The following CPQ variants were observed in gnomAD, a reference collection of about 807,000 sequenced individuals.
CPQ encodes the protein carboxypeptidase Q.
A neutral mutation model predicts 45.7 loss-of-function variants in CPQ; 37 were observed. The ratio of observed to expected loss-of-function variants is 0.81; its 90% CI spans 0.62 to 1.07. The LOEUF (loss-of-function observed/expected upper bound fraction) is 1.07, where lower values mean the gene tolerates loss of function less well. CPQ is among the 50% of genes least tolerant of loss of function. The pLI, the probability that CPQ is intolerant of heterozygous loss-of-function variation, is 0.00. For synonymous variants in CPQ, 186 were observed against 205.8 expected, an observed-to-expected ratio of 0.90 and a Z score of 0.82; for missense variants, 537 against 572.9, an observed-to-expected ratio of 0.94 and a Z score of 0.64.
At chr8:96,653,685 T>C (rs1446229584) in intron 1 of CPQ, among the ~76,000 whole-genome samples, 1 of 151,966 alleles carries the variant, frequency 6.6e-6, no homozygotes, top group African/African-American at 2.4e-5. Flanking sequence ...ATTGAGAAAA[T>C]CCTAAGGGAG....
At chr8:96,749,539 C>A (rs895964964) in intron 1 of CPQ, among the ~76,000 whole-genome samples, 2 of 152,222 alleles carry the variant, frequency 1.3e-5, no homozygotes, top group South Asian at 2.1e-4. Context: ...ACAACAAAGA[C>A]CTTCTAGGGC....
At chr8:96,887,246 A>C (rs1812317325) in intron 4 of CPQ, among the ~76,000 whole-genome samples, 1 of 152,228 alleles carries the variant, frequency 6.6e-6, no homozygotes, top group Non-Finnish European at 1.5e-5. Context: ...TTAGACTCAC[A>C]GCTATTGTAA....
At position 96,994,650 on chromosome 8, in the gene CPQ, CA is replaced by C. The variant is rs375255822; in HGVS notation, c.961+28612del. Among the ~76,000 whole-genome samples the C allele has an allele frequency of 4.2e-3, 632 of 151,226 alleles. 15 individuals are homozygous for C. Among genetic ancestry groups the C allele is most frequent in the Admixed American group, 0.038 (583 of 15,152 alleles). ...GAAGGAGAAAATGGTGTCAAATTGC[CA>C]AAAAAAAGAACCTGGCATATAGAAG... On this transcript the variant is annotated intron_variant, in intron 5 of 7. Coordinates refer to ENST00000220763, the MANE Select transcript of CPQ (RefSeq NM_016134.4).
At chr8:96,661,705 G>A (rs1815703878) in intron 1 of CPQ, among the ~76,000 whole-genome samples, 2 of 152,112 alleles carry the variant, frequency 1.3e-5, no homozygotes, top group African/African-American at 4.8e-5. Flanking sequence ...GATCATCTTG[G>A]TTGCTTCCAA....
intron 3 of CPQ, 123 bp downstream of exon 3, chr8:96,835,303 C>T (rs1005558431): frequency 2.9e-6 from 2 of 688,628 alleles, no homozygotes; most frequent in East Asian, 3.3e-5. Flanking sequence ...AGTTTCCCCC[C>T]CAAACACACA....
At chr8:96,882,081 C>A (rs576193562) in intron 4 of CPQ, among the ~76,000 whole-genome samples, 1 of 152,308 alleles carries the variant, frequency 6.6e-6, no homozygotes, top group Non-Finnish European at 1.5e-5. Context: ...TTCTCCCAGA[C>A]TAAGGACTGG....
In CPQ at chr8:96,944,711, A is replaced by G. The variant is rs115174691; in HGVS notation, c.850-21224A>G. On this transcript the variant is annotated intron_variant, in intron 4 of 7. Transcript: ENST00000220763. ...CACATGTGGATCTGAGTTTTAAAAT[A>G]TTGGTTTGAAAAATGTCAAGCTGCT... Among the ~76,000 whole-genome samples, 704 of 152,292 alleles carry G rather than the reference A, an allele frequency of 4.6e-3. 9 individuals carry two copies. The highest frequency in any genetic ancestry group is 0.015 in the African/African-American group (627 of 41,576).
intron 1 of CPQ, among the ~76,000 whole-genome samples, chr8:96,722,963 T>C (rs919479369): frequency 6.6e-6 from 1 of 152,144 alleles, no homozygotes; most frequent in Non-Finnish European, 1.5e-5. Context: ...GGTTGGAAAG[T>C]AAGGAAAGAC....
intron 3 of CPQ, among the ~76,000 whole-genome samples, chr8:96,836,332 C>T (rs907592732): frequency 2.0e-5 from 3 of 152,030 alleles, no homozygotes; most frequent in African/African-American, 4.8e-5. Context: ...TACAAAAGTG[C>T]AGGGAAAAGG....
intron 1 of CPQ, among the ~76,000 whole-genome samples, chr8:96,707,569 A>G (rs1809548951): frequency 6.6e-6 from 1 of 152,026 alleles, no homozygotes; most frequent in Admixed American, 6.6e-5. Context: ...CCGAAAGTTG[A>G]GGCACCCCTG....
chr8:96,837,671 C>A (rs552646527), intron 3 of CPQ, among the ~76,000 whole-genome samples: 6 of 152,060 alleles, frequency 3.9e-5, no homozygotes, highest in African/African-American at 1.4e-4. Flanking sequence ...ATTTCCAAAC[C>A]CCTCTCTCCC....
chr8:96,970,308 C>T (rs937353481), intron 5 of CPQ, among the ~76,000 whole-genome samples: 5 of 152,168 alleles, frequency 3.3e-5, no homozygotes, highest in African/African-American at 1.2e-4. Flanking sequence ...TGGGTTTAGC[C>T]ATACCGCTGG....
intron 1 of CPQ, among the ~76,000 whole-genome samples, chr8:96,776,310 C>G (rs1563494012): frequency 6.6e-6 from 1 of 152,152 alleles, no homozygotes; most frequent in Non-Finnish European, 1.5e-5. Context: ...GTTACACATT[C>G]TAGACTGAAG....
At chr8:96,863,334 G>A (rs1398252302) in intron 3 of CPQ, among the ~76,000 whole-genome samples, 1 of 151,964 alleles carries the variant, frequency 6.6e-6, no homozygotes, top group Non-Finnish European at 1.5e-5. Flanking sequence ...TAGACTTGGG[G>A]TGGGAAGCAG....
chr8:97,118,636 C>T (rs1011384573), intron 7 of CPQ, among the ~76,000 whole-genome samples: 2 of 152,230 alleles, frequency 1.3e-5, no homozygotes, highest in African/African-American at 2.4e-5. Context: ...TCTGCCGTCA[C>T]GTAATGGTCC....
chr8:97,029,597 C>A, intron 6 of CPQ, 103 bp downstream of exon 6: 1 of 1,015,780 alleles, frequency 9.8e-7, no homozygotes, highest in Non-Finnish European at 1.5e-6. Context: ...GGTCAACTGG[C>A]CCTAGGAAAC....
intron 5 of CPQ, among the ~76,000 whole-genome samples, chr8:97,020,936 C>T (rs1441261422): frequency 6.6e-6 from 1 of 152,088 alleles, no homozygotes; most frequent in Non-Finnish European, 1.5e-5. Flanking sequence ...AAACTAAAGA[C>T]CAATATCCCT....
chr8:96,978,541 A>G (rs560666158), intron 5 of CPQ, among the ~76,000 whole-genome samples: 3 of 152,304 alleles, frequency 2.0e-5, no homozygotes, highest in Admixed American at 6.5e-5. Flanking sequence ...CAGCATAATA[A>G]TGACCAGTTC....
At chr8:97,048,961 G>A (rs1055165996) in intron 6 of CPQ, among the ~76,000 whole-genome samples, 23 of 151,804 alleles carry the variant, frequency 1.5e-4, no homozygotes, top group Non-Finnish European at 2.5e-4. Context: ...CAAATGAAGG[G>A]AAAAAAAATA....
Sources: allele counts gnomAD v4.1 joint callset (sites outside exome capture counted in the v4.1 genomes callset), GRCh38; gene constraint gnomAD v4.1.1; transcripts MANE v1.5; gene names NCBI Gene and HGNC (gene_info 2026-07-23, HGNC 2026-07-21).